Variants in NRXN1 observed in about 807,000 individuals in gnomAD.
NRXN1 encodes neurexin 1.
In NRXN1, 39 loss-of-function variants were observed where a neutral mutation model predicts 150.9. The observed-to-expected ratio is 0.26, with a 90% CI of 0.20 to 0.34. The LOEUF is 0.34. Ranked by LOEUF, NRXN1 falls within the 10% of genes least tolerant of loss-of-function variation. The pLI, the probability that NRXN1 is intolerant of heterozygous loss-of-function variation, is 1.00. For synonymous variants in NRXN1, 924 were observed against 757.0 expected, an observed-to-expected ratio of 1.22 and a Z score of -3.62; for missense variants, 1,815 against 1,949.9, an observed-to-expected ratio of 0.93 and a Z score of 1.30.
At chr2:50,983,790 C>T (rs1334646545) in intron 2 of NRXN1, among the ~76,000 whole-genome samples, 1 of 152,040 alleles carries the variant, frequency 6.6e-6, no homozygotes, top group Non-Finnish European at 1.5e-5. Flanking sequence ...AAACAAATTT[C>T]ATAGTGACTT....
At chr2:50,163,684 G>T (rs527312864) in intron 18 of NRXN1, among the ~76,000 whole-genome samples, 40 of 152,126 alleles carry the variant, frequency 2.6e-4, no homozygotes, top group African/African-American at 8.7e-4. Flanking sequence ...AATAGAAATT[G>T]GTCCTTATTC....
chr2:50,165,306 C>T (rs2152793277), intron 18 of NRXN1, among the ~76,000 whole-genome samples: 1 of 152,296 alleles, frequency 6.6e-6, no homozygotes, highest in African/African-American at 2.4e-5. Flanking sequence ...GTTGTGTTTA[C>T]ACACTTTGAC....
intron 9 of NRXN1, among the ~76,000 whole-genome samples, chr2:50,543,559 G>T (rs185298164): frequency 6.6e-6 from 1 of 152,076 alleles, no homozygotes; most frequent in South Asian, 2.1e-4. Context: ...AAGCAGACAA[G>T]GTAATATTTA....
intron 18 of NRXN1, among the ~76,000 whole-genome samples, chr2:50,107,491 A>G (rs1443317421): frequency 2.7e-5 from 4 of 146,542 alleles, no homozygotes; most frequent in Non-Finnish European, 6.0e-5. Flanking sequence ...TCCCATCACA[A>G]TTATTGTCAC....
intron 12 of NRXN1, among the ~76,000 whole-genome samples, chr2:50,517,363 A>C (rs10199840): frequency 0.86 from 131,239 of 152,018 alleles, 56,981 homozygotes; most frequent in African/African-American, 0.93. Flanking sequence ...ACATAACGGC[A>C]ATTCACTAAG....
intron 2 of NRXN1, among the ~76,000 whole-genome samples, chr2:50,992,004 G>A (rs4971719): frequency 0.036 from 5,427 of 151,910 alleles, 279 homozygotes; most frequent in East Asian, 0.25. Flanking sequence ...GAATCTTTTC[G>A]TCTAAAAGCC....
chr2:49,922,235 T>C lies in NRXN1; in HGVS notation c.4233A>G (p.Ala1411=), dbSNP rs199973187. The C allele has an allele frequency of 3.1e-6, 5 of 1,613,848 alleles. No homozygotes were observed. The highest frequency in any genetic ancestry group is 4.2e-6 in the Non-Finnish European group (5 of 1,179,858). ...AGCCTGGATACGGCTCTCTGCCGCCTGCTCGGGTTGGGTTGGCTATAGAAA... is the reference window on the plus strand; with the variant it reads ...AGCCTGGATACGGCTCTCTGCCGCCCGCTCGGGTTGGGTTGGCTATAGAAA... ...SSGGLANPTR[A]GGREPYPGSA... Residue 1411 remains alanine (A), a synonymous_variant, in exon 23 of 23, where the codon GCA becomes GCG. Transcript: ENST00000401669.
At chr2:50,805,750 T>G (rs1310802141) in intron 5 of NRXN1, among the ~76,000 whole-genome samples, 2 of 152,166 alleles carry the variant, frequency 1.3e-5, no homozygotes, top group Admixed American at 1.3e-4. Context: ...TAAAATAAAT[T>G]GTAGAAAATA....
chr2:50,473,312 T>G (rs1336838541), intron 15 of NRXN1, among the ~76,000 whole-genome samples: 1 of 151,902 alleles, frequency 6.6e-6, no homozygotes. Context: ...TTTGTTTAAC[T>G]TTTTCTCTCT....
At chr2:49,977,710 G>A (rs1401203899) in intron 21 of NRXN1, among the ~76,000 whole-genome samples, 2 of 152,136 alleles carry the variant, frequency 1.3e-5, no homozygotes, top group African/African-American at 4.8e-5. Flanking sequence ...AAGTGTGTTA[G>A]TAAAGAGATT....
At chr2:50,245,394 T>C (rs1442372162) in intron 17 of NRXN1, among the ~76,000 whole-genome samples, 1 of 151,944 alleles carries the variant, frequency 6.6e-6, no homozygotes, top group Non-Finnish European at 1.5e-5. Context: ...GAACATCAAA[T>C]GCTTATGTCT....
intron 17 of NRXN1, among the ~76,000 whole-genome samples, chr2:50,361,065 T>G (rs2079153146): frequency 6.6e-6 from 1 of 151,974 alleles, no homozygotes; most frequent in Non-Finnish European, 1.5e-5. Flanking sequence ...TTGAAACCAG[T>G]GAGAACAAAG....
At chr2:50,730,715 C>T (rs1270753612) in intron 5 of NRXN1, among the ~76,000 whole-genome samples, 3 of 137,756 alleles carry the variant, frequency 2.2e-5, no homozygotes, top group African/African-American at 5.4e-5. Context: ...CTCTGTCGCA[C>T]AGGCTGGAGT....
chr2:50,343,119 G>A (rs1347455028), intron 17 of NRXN1, among the ~76,000 whole-genome samples: 1 of 152,222 alleles, frequency 6.6e-6, no homozygotes, highest in Admixed American at 6.5e-5. Flanking sequence ...CTTTAATAGT[G>A]TAAGCTAATC....
chr2:51,002,994 C>T (rs577940132), intron 2 of NRXN1, among the ~76,000 whole-genome samples: 1 of 151,982 alleles, frequency 6.6e-6, no homozygotes, highest in South Asian at 2.1e-4. Flanking sequence ...TATGTTCAAG[C>T]ATTTATGGAC....
chr2:50,577,548 C>T (rs1285883436), intron 8 of NRXN1, among the ~76,000 whole-genome samples: 1 of 152,044 alleles, frequency 6.6e-6, no homozygotes, highest in Non-Finnish European at 1.5e-5. Context: ...AAGAACATTA[C>T]TAAGTACTTT....
intron 17 of NRXN1, among the ~76,000 whole-genome samples, chr2:50,276,231 T>C (rs1396793863): frequency 2.0e-5 from 3 of 152,090 alleles, no homozygotes; most frequent in Middle Eastern, 3.4e-3. Context: ...TCCTTCACCT[T>C]ATCAAAACCA....
chr2:50,894,869 A>G (rs1681680546), intron 5 of NRXN1, among the ~76,000 whole-genome samples: 1 of 152,194 alleles, frequency 6.6e-6, no homozygotes, highest in Non-Finnish European at 1.5e-5. Context: ...CCACGATGTA[A>G]TCTAACATTT....
chr2:51,009,099 CTT>C (rs923892015), intron 2 of NRXN1: 2 of 151,836 alleles, frequency 1.3e-5, no homozygotes, highest in Non-Finnish European at 2.9e-5. Flanking sequence ...TGAATAAACT[CTT>C]GTTACTTAAC....
Sources: allele counts gnomAD v4.1 joint callset (sites outside exome capture counted in the v4.1 genomes callset), GRCh38; gene constraint gnomAD v4.1.1; transcripts MANE v1.5; gene names NCBI Gene and HGNC (gene_info 2026-07-23, HGNC 2026-07-21).